Variants in PREX2 observed in about 807,000 individuals in gnomAD.
PREX2 encodes phosphatidylinositol 3,4,5-trisphosphate-dependent Rac exchanger 2 protein.
In PREX2, 107 loss-of-function variants were observed where a neutral mutation model predicts 203.2. The ratio of observed to expected loss-of-function variants is 0.53; its 90% CI spans 0.45 to 0.62. The LOEUF is 0.62. Among genes scored for constraint, PREX2 ranks in the 20% least tolerant of loss-of-function variants. The probability of loss-of-function intolerance (pLI) is 0.00; values close to 1 mark genes in which losing one functional copy is unlikely to be tolerated. For missense variants in PREX2, 1,777 were observed against 1,955.9 expected, an observed-to-expected ratio of 0.91 and a Z score of 1.72; for synonymous variants, 672 against 663.6, an observed-to-expected ratio of 1.01 and a Z score of -0.19.
rs377282269 is a variant in PREX2, at chr8:67,958,915, C to T, written c.141+6380C>T. On this transcript the variant is annotated intron_variant, in intron 1 of 39. Transcript: ENST00000288368. ...TGCTTTTGGACATGTTGAGCTGAGC[C>T]ACAAATACTACTATGATTTTTGAAG... 2.1e-3 allele frequency among the ~76,000 whole-genome samples: 324 copies of T among 152,218 alleles called. 4 individuals carry two copies. Among genetic ancestry groups the T allele is most frequent in the African/African-American group, 7.6e-3 (314 of 41,548 alleles).
At chr8:67,968,153 A>T (rs1373248404) in intron 1 of PREX2, among the ~76,000 whole-genome samples, 1 of 150,980 alleles carries the variant, frequency 6.6e-6, no homozygotes, top group Non-Finnish European at 1.5e-5. Context: ...TATAGAAATG[A>T]CTCCCTTGAG....
At chr8:68,042,449 A>G (rs527502612) in intron 7 of PREX2, among the ~76,000 whole-genome samples, 65 of 152,170 alleles carry the variant, frequency 4.3e-4, no homozygotes, top group African/African-American at 1.4e-3. Context: ...TGTATTCAAC[A>G]TAGTTTCTAA....
chr8:68,236,923 A>G lies in PREX2; in HGVS notation c.*5545A>G, dbSNP rs1174886713. ...TATTTTATGTATGGTTAAAATTATC[A>G]AAGTGCATTATGTATTTTATATTGT... On this transcript the variant is annotated 3_prime_UTR_variant, in exon 40 of 40. Transcript: ENST00000288368. 6.6e-6 allele frequency: 1 copy of G among 152,132 alleles called. No homozygotes were observed. 9.4% of individuals were successfully genotyped at this position (152,132 alleles called of 1,614,324 possible).
chr8:68,066,659 A>G (rs1419252874), intron 11 of PREX2, among the ~76,000 whole-genome samples: 3 of 151,908 alleles, frequency 2.0e-5, no homozygotes, highest in African/African-American at 4.8e-5. Context: ...TTCCTATTCC[A>G]TAGATTGTCT....
At chr8:68,224,986 T>C (rs1813030818) in intron 39 of PREX2, among the ~76,000 whole-genome samples, 1 of 152,152 alleles carries the variant, frequency 6.6e-6, no homozygotes, top group Admixed American at 6.5e-5. Context: ...TATGTGTTTG[T>C]ATGGGAAACT....
At chr8:68,226,259 G>T (rs1813055214) in intron 39 of PREX2, among the ~76,000 whole-genome samples, 2 of 152,126 alleles carry the variant, frequency 1.3e-5, no homozygotes, top group Non-Finnish European at 2.9e-5. Context: ...GTATAAACCT[G>T]AATTAGAAAT....
intron 35 of PREX2, among the ~76,000 whole-genome samples, chr8:68,170,872 T>G (rs1163949022): frequency 6.6e-6 from 1 of 152,186 alleles, no homozygotes; most frequent in Non-Finnish European, 1.5e-5. Flanking sequence ...CCCATTCATT[T>G]TAATGTATTC....
intron 1 of PREX2, among the ~76,000 whole-genome samples, chr8:68,005,007 C>A (rs1449680251): frequency 1.3e-5 from 2 of 152,142 alleles, no homozygotes; most frequent in Non-Finnish European, 2.9e-5. Context: ...GAAAAGAATT[C>A]TTTGGATAAG....
intron 20 of PREX2, 105 bp downstream of exon 20, chr8:68,090,820 G>C (rs1449802912): frequency 1.2e-6 from 1 of 848,698 alleles, no homozygotes; most frequent in Non-Finnish European, 1.7e-6. Context: ...CCAATTTTAA[G>C]TTTAAAATTA....
chr8:68,077,178 A>C (rs1287116013), intron 14 of PREX2, among the ~76,000 whole-genome samples: 1 of 152,264 alleles, frequency 6.6e-6, no homozygotes, highest in Non-Finnish European at 1.5e-5. Flanking sequence ...TTGTTTCTCA[A>C]GAAATATTAA....
chr8:68,032,630 G>A (rs2129610560), intron 6 of PREX2, among the ~76,000 whole-genome samples: 1 of 152,272 alleles, frequency 6.6e-6, no homozygotes, highest in East Asian at 1.9e-4. Flanking sequence ...GAAATTGCTA[G>A]TCTCATAGGA....
intron 24 of PREX2, chr8:68,108,972 C>T (rs75507331): frequency 2.3e-6 from 1 of 439,938 alleles, no homozygotes. Flanking sequence ...TATATGATCT[C>T]ATTTATATGA....
At chr8:68,220,497 C>T (rs1812932859) in intron 38 of PREX2, 1 of 152,186 alleles carries the variant, frequency 6.6e-6, no homozygotes, top group South Asian at 2.1e-4. Flanking sequence ...GACCCCTTAC[C>T]TTCAGTATCA....
At chr8:68,116,575 G>A (rs969140099) in intron 26 of PREX2, among the ~76,000 whole-genome samples, 4 of 152,174 alleles carry the variant, frequency 2.6e-5, no homozygotes, top group East Asian at 1.9e-4. Flanking sequence ...GGAAGGATCC[G>A]TGCCAGGCGT....
chr8:68,227,112 T>C (rs567059198), intron 39 of PREX2, among the ~76,000 whole-genome samples: 2 of 152,344 alleles, frequency 1.3e-5, no homozygotes, highest in South Asian at 4.1e-4. Context: ...ATAAGCAATC[T>C]TCTTATCTGG....
At chr8:68,229,481 T>G (rs1304936071) in intron 39 of PREX2, among the ~76,000 whole-genome samples, 3 of 152,206 alleles carry the variant, frequency 2.0e-5, no homozygotes, top group Non-Finnish European at 4.4e-5. Context: ...CTCTGCAATT[T>G]CCATTACAAA....
At chr8:68,073,853 T>C (rs1438902876) in intron 14 of PREX2, among the ~76,000 whole-genome samples, 2 of 152,186 alleles carry the variant, frequency 1.3e-5, no homozygotes, top group Non-Finnish European at 2.9e-5. Flanking sequence ...AAACTGATGC[T>C]GAGTAAACCT....
At chr8:68,164,436 G>C (rs1050853805) in intron 35 of PREX2, among the ~76,000 whole-genome samples, 19 of 151,608 alleles carry the variant, frequency 1.3e-4, no homozygotes, top group African/African-American at 4.4e-4. Flanking sequence ...TTGTGTGTGT[G>C]TGTACTTGAA....
rs116532761 is a variant in PREX2, at chr8:67,976,056, T to A, written c.141+23521T>A. ...TTTTGATTTAAAAAAATGCATAGAT[T>A]CTTCTATACTTTTAGGCTTTTGATG... On this transcript the variant is annotated intron_variant, in intron 1 of 39. Transcript: ENST00000288368. Among the ~76,000 whole-genome samples the A allele has an allele frequency of 8.9e-3, 1,354 of 152,024 alleles. 16 individuals carry two copies. The highest frequency in any genetic ancestry group is 0.03 in the African/African-American group (1,236 of 41,432).
Sources: allele counts gnomAD v4.1 joint callset (sites outside exome capture counted in the v4.1 genomes callset), GRCh38; gene constraint gnomAD v4.1.1; transcripts MANE v1.5; gene names NCBI Gene and HGNC (gene_info 2026-07-23, HGNC 2026-07-21).